The following ARHGAP22 variants were observed in gnomAD, a reference collection of about 807,000 sequenced individuals.
ARHGAP22 encodes Rho GTPase activating protein 22.
A neutral mutation model predicts 59.1 loss-of-function variants in ARHGAP22; 48 were observed. The ratio of observed to expected loss-of-function variants is 0.81; its 90% confidence interval spans 0.64 to 1.03. ARHGAP22 has a LOEUF of 1.03. Among genes scored for constraint, ARHGAP22 ranks in the 50% least tolerant of loss-of-function variants. The probability of loss-of-function intolerance (pLI) is 0.00; values close to 1 mark genes in which losing one functional copy is unlikely to be tolerated. For synonymous variants in ARHGAP22, 445 were observed against 416.4 expected, an observed-to-expected ratio of 1.07 and a Z score of -0.84; for missense variants, 1,015 against 958.7, an observed-to-expected ratio of 1.06 and a Z score of -0.78.
intron 3 of ARHGAP22, among the ~76,000 whole-genome samples, chr10:48,482,129 A>G (rs1000421979): frequency 3.3e-5 from 5 of 151,956 alleles, no homozygotes; most frequent in African/African-American, 1.2e-4. Flanking sequence ...CCAATTAATC[A>G]TTTTTTTCGT....
At chr10:48,635,374 C>A (rs992873978) in intron 1 of ARHGAP22, among the ~76,000 whole-genome samples, 4 of 152,248 alleles carry the variant, frequency 2.6e-5, no homozygotes, top group Non-Finnish European at 5.9e-5. Context: ...TGCTCCGTAA[C>A]TTGTCCCAGC....
At chr10:48,457,212 C>T (rs2046623098) in intron 5 of ARHGAP22, among the ~76,000 whole-genome samples, 1 of 152,122 alleles carries the variant, frequency 6.6e-6, no homozygotes, top group Admixed American at 6.5e-5. Flanking sequence ...CAGAACACGC[C>T]ATGCCTCCAG....
intron 3 of ARHGAP22, among the ~76,000 whole-genome samples, chr10:48,502,287 G>C (rs145042244): frequency 6.6e-6 from 1 of 152,148 alleles, no homozygotes; most frequent in Non-Finnish European, 1.5e-5. Context: ...TACCTCGTGG[G>C]GGAAGGAGGA....
At chr10:48,466,336 G>A (rs1011160589) in intron 4 of ARHGAP22, among the ~76,000 whole-genome samples, 2 of 151,936 alleles carry the variant, frequency 1.3e-5, no homozygotes, top group Non-Finnish European at 2.9e-5. Context: ...GAGATTGAAG[G>A]ACGCCTCCGG....
At chr10:48,516,282 T>C (rs2053278254) in intron 3 of ARHGAP22, among the ~76,000 whole-genome samples, 1 of 152,306 alleles carries the variant, frequency 6.6e-6, no homozygotes, top group South Asian at 2.1e-4. Context: ...CCCAGCACTT[T>C]GGGAGGCCAA....
In ARHGAP22 at chr10:48,593,942, C is replaced by T. The variant is rs558629335; in HGVS notation, c.35-10790G>A. Reference sequence around the variant, plus strand: ...AATGTTCCTAAAGGGAAGCCCGGAGCTGTTATATTGTACATTTCATGAAGG... The same window carrying T: ...AATGTTCCTAAAGGGAAGCCCGGAGTTGTTATATTGTACATTTCATGAAGG... On this transcript the variant is annotated intron_variant, in intron 1 of 9. Coordinates refer to ENST00000249601, the MANE Select transcript of ARHGAP22 (RefSeq NM_021226.4). Among the ~76,000 whole-genome samples the T allele has an allele frequency of 5.3e-5, 8 of 152,256 alleles. No homozygotes were observed. In the East Asian group the frequency reaches 1.5e-3, roughly 29 times the overall value.
rs753063409 is a variant in ARHGAP22 at position 48,459,720 on chromosome 10, T to C, written c.623A>G (p.Asp208Gly). ...TGGCTTCTCCCCACAGTCGAAGGAA[T>C]CCTGCAGGTCCCTCACCAGGTTGGC... ...GQANLVRDLQ[D>G]SFDCGEKPLF... The change falls in exon 5 of 10, where the codon GAT (aspartate) becomes GGT (glycine). Residue 208 changes from aspartate (D) to glycine (G), a missense_variant. Coordinates refer to ENST00000249601, the MANE Select transcript of ARHGAP22 (RefSeq NM_021226.4). The C allele has an allele frequency of 6.2e-7, 1 of 1,614,128 alleles. No individual in the cohort carries two copies. The highest frequency in any genetic ancestry group is 8.5e-7 in the Non-Finnish European group (1 of 1,180,020).
intron 2 of ARHGAP22, among the ~76,000 whole-genome samples, chr10:48,575,936 C>T (rs1336466493): frequency 6.6e-6 from 1 of 152,178 alleles, no homozygotes; most frequent in Non-Finnish European, 1.5e-5. Context: ...CTGGTCAGCC[C>T]CTATCTGTGC....
At chr10:48,640,186 T>C (rs1242420561) in intron 1 of ARHGAP22, among the ~76,000 whole-genome samples, 2 of 152,006 alleles carry the variant, frequency 1.3e-5, no homozygotes, top group Non-Finnish European at 2.9e-5. Context: ...CACAAAACAA[T>C]TTTAAAAATT....
At chr10:48,561,699 G>C (rs1316419118) in intron 2 of ARHGAP22, among the ~76,000 whole-genome samples, 3 of 152,144 alleles carry the variant, frequency 2.0e-5, no homozygotes, top group African/African-American at 7.2e-5. Context: ...AATTACTATA[G>C]AAGATATAGG....
intron 4 of ARHGAP22, among the ~76,000 whole-genome samples, chr10:48,476,055 C>T (rs554173738): frequency 6.6e-5 from 10 of 152,348 alleles, no homozygotes; most frequent in South Asian, 4.1e-4. Flanking sequence ...TCTTCTGTCC[C>T]CACTGTGCCC....
At chr10:48,486,199 A>G (rs2049845019) in intron 3 of ARHGAP22, among the ~76,000 whole-genome samples, 1 of 152,098 alleles carries the variant, frequency 6.6e-6, no homozygotes, top group Admixed American at 6.5e-5. Flanking sequence ...CCCTTCATGT[A>G]TGATATAAAG....
At chr10:48,600,003 A>T (rs1456849468) in intron 1 of ARHGAP22, among the ~76,000 whole-genome samples, 1 of 152,152 alleles carries the variant, frequency 6.6e-6, no homozygotes, top group Non-Finnish European at 1.5e-5. Context: ...GGCTTCTCAG[A>T]TCTCAGAGTC....
At chr10:48,582,586 G>C (rs994088505) in intron 2 of ARHGAP22, 2 of 290,120 alleles carry the variant, frequency 6.9e-6, no homozygotes, top group Non-Finnish European at 1.3e-5. Context: ...GAGGCTAGAT[G>C]TGTCTGGTGA....
intron 3 of ARHGAP22, among the ~76,000 whole-genome samples, chr10:48,520,134 C>G (rs67372461): frequency 6.6e-6 from 1 of 151,908 alleles, no homozygotes; most frequent in South Asian, 2.1e-4. Flanking sequence ...AGTGGGAGTG[C>G]GGGACTGCAC....
At chr10:48,459,093 T>C (rs1223812951) in intron 5 of ARHGAP22, among the ~76,000 whole-genome samples, 1 of 152,188 alleles carries the variant, frequency 6.6e-6, no homozygotes, top group Non-Finnish European at 1.5e-5. Flanking sequence ...GTGGGGGCAC[T>C]GTCAGGGGAA....
chr10:48,628,543 G>A, intron 1 of ARHGAP22, among the ~76,000 whole-genome samples: 1 of 152,062 alleles, frequency 6.6e-6, no homozygotes, highest in African/African-American at 2.4e-5. Context: ...TTGACTGCCT[G>A]TTCTGTTGGC....
Position 48,483,791 on chromosome 10 carries a change from C to T in ARHGAP22, c.323-4027G>A, listed in dbSNP as rs59137009. On this transcript the variant is annotated intron_variant, in intron 3 of 9. Coordinates refer to ENST00000249601, the MANE Select transcript of ARHGAP22 (RefSeq NM_021226.4). ...GGATATTCGTTTCTTGTCAGATGAA[C>T]AGTTTGCAAATATTTTTCTCCTATT... is the stretch of plus-strand genomic sequence containing the variant. 7.3e-3 allele frequency among the ~76,000 whole-genome samples: 1,111 copies of T among 152,230 alleles called. 13 individuals carry two copies. The highest frequency in any genetic ancestry group is 0.025 in the African/African-American group (1,051 of 41,546).
chr10:48,526,010 T>C (rs967733923), intron 3 of ARHGAP22, among the ~76,000 whole-genome samples: 8 of 152,182 alleles, frequency 5.3e-5, no homozygotes, highest in African/African-American at 1.9e-4. Context: ...TCATGTAAGG[T>C]TCTTTGTCAC....
Sources: allele counts gnomAD v4.1 joint callset (sites outside exome capture counted in the v4.1 genomes callset), GRCh38; gene constraint gnomAD v4.1.1; transcripts MANE v1.5; gene names NCBI Gene and HGNC (gene_info 2026-07-23, HGNC 2026-07-21).